DNAH5: variants seen among roughly 807,000 people sequenced by gnomAD.
The protein encoded by DNAH5 is axonemal beta dynein heavy chain 5.
Under a neutral mutation model 518.2 loss-of-function variants are expected in DNAH5, and 372 were observed. That is an observed-to-expected ratio of 0.72 (90% CI 0.66 to 0.78). DNAH5 has a LOEUF of 0.78. DNAH5 is among the 30% of genes least tolerant of loss of function. The pLI is 0.00. For synonymous variants in DNAH5, 2,039 were observed against 2,025.9 expected, an observed-to-expected ratio of 1.01 and a Z score of -0.17; for missense variants, 5,523 against 5,687.0, an observed-to-expected ratio of 0.97 and a Z score of 0.93.
chr5:13,847,445 C>T (rs1378581461), intron 31 of DNAH5, among the ~76,000 whole-genome samples: 3 of 151,980 alleles, frequency 2.0e-5, no homozygotes, highest in East Asian at 1.9e-4. Flanking sequence ...GAAAAATAGG[C>T]CAGGCACAGT....
intron 40 of DNAH5, among the ~76,000 whole-genome samples, chr5:13,820,841 A>AAAAAAAAAG (rs1198738015): frequency 7.3e-6 from 1 of 137,560 alleles, no homozygotes; most frequent in Non-Finnish European, 1.5e-5. Flanking sequence ...AAAAAAAAAA[A>AAAAAAAAAG]AAACACATCA....
chr5:13,951,754 G>A (rs1277959427), intron 1 of DNAH5, among the ~76,000 whole-genome samples: 1 of 152,170 alleles, frequency 6.6e-6, no homozygotes, highest in Non-Finnish European at 1.5e-5. Flanking sequence ...GGAAAGGAAA[G>A]TGGAGGGCTC....
intron 44 of DNAH5, 37 bp from the exon 45 acceptor site, chr5:13,810,297 T>A (rs1226634698): frequency 1.3e-6 from 2 of 1,530,536 alleles, no homozygotes; most frequent in Admixed American, 2.0e-5. Flanking sequence ...ATAACTTGAT[T>A]CTGAAACCCA....
rs1411098580 is a variant in DNAH5 at position 13,788,722 on chromosome 5, C to T, written c.8641G>A (p.Ala2881Thr). Residue 2881 changes from alanine to threonine, a missense_variant, in exon 51 of 79, where the codon GCT (alanine) becomes ACT (threonine). Physicochemically the swap from Ala to Thr is moderately conservative, Grantham distance 58. This residue lies in a region of DNAH5 where 5,121 missense variants were observed against 5,223.3 expected (regional missense o/e 0.98). Coordinates refer to ENST00000265104, the MANE Select transcript of DNAH5 (RefSeq NM_001369.3). ...TTCCACTTCAATAGTTTACCTGCAGCTTCAGGTGCATCTCTCAAGAAATCC... is the reference window on the plus strand; with the variant it reads ...TTCCACTTCAATAGTTTACCTGCAGTTTCAGGTGCATCTCTCAAGAAATCC... ...FVDFLRDAPE[A>T]AGETSEEADA... 1.9e-6 allele frequency: 3 copies of T among 1,613,886 alleles called. No individual in the cohort carries two copies. Among genetic ancestry groups the T allele is most frequent in the Admixed American group, 3.3e-5 (2 of 60,004 alleles).
intron 31 of DNAH5, among the ~76,000 whole-genome samples, chr5:13,848,195 C>T (rs1183059448): frequency 6.6e-6 from 1 of 152,186 alleles, no homozygotes; most frequent in East Asian, 1.9e-4. Context: ...TAAGGGAGAT[C>T]AACTCATTAA....
Position 13,830,597 on chromosome 5 carries a change from C to T in DNAH5, c.6061G>A (p.Gly2021Arg), listed in dbSNP as rs1237767299. The T allele has an allele frequency of 1.2e-6, 2 of 1,614,094 alleles. No individual in the cohort carries two copies. The highest frequency in any genetic ancestry group is 1.1e-5 in the South Asian group (1 of 91,080). The change falls in exon 36 of 79, where the codon GGA becomes AGA. Residue 2021 changes from glycine (G) to arginine (R), a missense_variant and splice_region_variant. By Grantham distance (125) the Gly-to-Arg change is moderately radical. This residue lies in a region of DNAH5 where 5,121 missense variants were observed against 5,223.3 expected (regional missense o/e 0.98). Coordinates refer to ENST00000265104, the MANE Select transcript of DNAH5 (RefSeq NM_001369.3). ...DFRGLGRIFK[G>R]LAQSGSWGCF... ...CCAGATTAAAAAATATAACCCATAC[C>T]CTTAAAAATCCGTCCAAGTCCTCGG...
chr5:13,823,582 A>G (rs183689870), intron 39 of DNAH5, among the ~76,000 whole-genome samples: 1 of 152,348 alleles, frequency 6.6e-6, no homozygotes, highest in East Asian at 1.9e-4. Context: ...GGGAGAAAGG[A>G]AAGAAATGGA....
chr5:13,769,085 C>G lies in DNAH5; in HGVS notation c.9772G>C (p.Glu3258Gln). 6.2e-7 allele frequency: 1 copy of G among 1,614,206 alleles called. No individual in the cohort carries two copies. The highest frequency in any genetic ancestry group is 8.5e-7 in the Non-Finnish European group (1 of 1,180,038). ...KAQAAEKVKA[E>Q]VQKVKDRAQA... The stretch of plus-strand genomic sequence containing the variant: ...GCCCTGTCCTTCACCTTCTGTACCT[C>G]AGCCTTGACCTTTTCAGCAGCCTGT... The change falls in exon 58 of 79, where the codon GAG (glutamate) becomes CAG (glutamine). Residue 3258 changes from glutamate to glutamine, a missense_variant. Glu to Gln is a conservative substitution (Grantham distance 29). Transcript: ENST00000265104.
intron 76 of DNAH5, among the ~76,000 whole-genome samples, chr5:13,704,474 A>G (rs1235863493): frequency 6.6e-6 from 1 of 152,198 alleles, no homozygotes; most frequent in Admixed American, 6.5e-5. Flanking sequence ...CACTTTGTTC[A>G]ATATCAGCTT....
chr5:13,950,737 G>A (rs1780325940), intron 1 of DNAH5, among the ~76,000 whole-genome samples: 1 of 152,138 alleles, frequency 6.6e-6, no homozygotes, highest in Non-Finnish European at 1.5e-5. Context: ...TTTTGGTTCT[G>A]CTGCATAGCA....
chr5:13,788,851 T>G lies in DNAH5; in HGVS notation c.8512A>C (p.Ser2838Arg), dbSNP rs763198301. 249 of 1,614,016 alleles carry G rather than the reference T, an allele frequency of 1.5e-4. No homozygotes were observed. The highest frequency in any genetic ancestry group is 2.8e-4 in the Admixed American group (17 of 59,982). ...GCCTTATCAAACCAGGTCACATCAC[T>G]GGACACTGTGAAACGGTCAGCTATA... ...RVIADRFTVSSDVTWFDKALV... is the reference protein window; with the variant it reads ...RVIADRFTVSRDVTWFDKALV... Residue 2838 changes from serine to arginine, a missense_variant, in exon 51 of 79, where the codon AGT (serine) becomes CGT (arginine). Around this residue, in one of 3 missense-constraint regions of DNAH5, gnomAD observed 5,121 missense variants for 5,223.3 expected, o/e 0.98. Coordinates refer to ENST00000265104, the MANE Select transcript of DNAH5 (RefSeq NM_001369.3).
rs532608855 is a variant in DNAH5, at chr5:13,765,912, A to G, written c.10101+64T>C. The G allele has an allele frequency of 2.0e-6, 3 of 1,482,444 alleles. No homozygotes were observed. In the East Asian group the frequency reaches 6.8e-5, roughly 34 times the overall value. 91.8% of individuals were successfully genotyped at this position (1,482,444 alleles called of 1,614,324 possible). A position where few individuals can be genotyped will look rare whatever the true frequency, so the allele number is the denominator to read the frequency against. ...TCTTTTTTTAGAAACTTATTCTACG[A>G]AAAGGACTCATACACCAGTGAAGAA... On this transcript the variant is annotated intron_variant, in intron 59 of 78. Transcript: ENST00000265104.
chr5:13,993,523 T>A (rs958232622), intron 1 of DNAH5, among the ~76,000 whole-genome samples: 2 of 152,358 alleles, frequency 1.3e-5, no homozygotes, highest in African/African-American at 4.8e-5. Context: ...TTACATAGAA[T>A]TTAGTCATGA....
chr5:13,713,095 T>C (rs1408717750), intron 75 of DNAH5, among the ~76,000 whole-genome samples: 1 of 125,062 alleles, frequency 8.0e-6, no homozygotes, highest in African/African-American at 3.0e-5. Flanking sequence ...AAAGAAACTG[T>C]GGTGTGTGTG....
intron 61 of DNAH5, among the ~76,000 whole-genome samples, chr5:13,758,400 T>G (rs1751306369): frequency 6.6e-6 from 1 of 151,968 alleles, no homozygotes; most frequent in Non-Finnish European, 1.5e-5. Flanking sequence ...GAGGCTGAGG[T>G]GGAATGATCA....
At chr5:13,786,407 A>C (rs1279242583) in intron 51 of DNAH5, 56 bp from the exon 52 acceptor site, 1 of 1,482,126 alleles carries the variant, frequency 6.7e-7, no homozygotes, top group Admixed American at 1.7e-5. Context: ...ATTTTACTTC[A>C]ATCTAAATTA....
In DNAH5 at chr5:13,890,996, CTTCA is replaced by C; in HGVS notation, c.2553_2556del (p.Cys851TrpfsTer6). On this transcript the variant is annotated frameshift_variant, in exon 17 of 79. Transcript: ENST00000265104. LOFTEE classifies it high-confidence loss of function. ...ATGACCTTTGTCATTTGGAGAAACTCTTCACAGGTTAGTGGCTCCTCCTGGGGAA... is the reference window on the plus strand; with the variant it reads ...ATGACCTTTGTCATTTGGAGAAACTCCAGGTTAGTGGCTCCTCCTGGGGAA... The C allele has an allele frequency of 6.2e-7, 1 of 1,614,114 alleles. No individual in the cohort carries two copies. The highest frequency in any genetic ancestry group is 8.5e-7 in the Non-Finnish European group (1 of 1,179,992).
chr5:13,764,813 A>G (rs1379258062), intron 59 of DNAH5, among the ~76,000 whole-genome samples: 1 of 152,258 alleles, frequency 6.6e-6, no homozygotes. Flanking sequence ...TACAAGGGAC[A>G]AACAAAATGA....
chr5:13,876,662 CT>C, intron 22 of DNAH5, 21 bp downstream of exon 22: 1 of 1,610,048 alleles, frequency 6.2e-7, no homozygotes, highest in Non-Finnish European at 8.5e-7. Context: ...AAAGGTCCGG[CT>C]GCCAGACCCT....
Sources: allele counts gnomAD v4.1 joint callset (sites outside exome capture counted in the v4.1 genomes callset), GRCh38; gene constraint gnomAD v4.1.1; regional missense constraint gnomAD v4.1.1; transcripts MANE v1.5; gene names NCBI Gene and HGNC (gene_info 2026-07-23, HGNC 2026-07-21).